The following MTHFD2L variants were observed in gnomAD, a reference collection of about 807,000 sequenced individuals.
The protein encoded by MTHFD2L is methylenetetrahydrofolate dehydrogenase (NADP+ dependent) 2 like, also known as bifunctional methylenetetrahydrofolate dehydrogenase/cyclohydrolase 2, mitochondrial.
A neutral mutation model predicts 34.9 loss-of-function variants in MTHFD2L; 29 were observed. The observed-to-expected ratio is 0.83, with a 90% CI of 0.62 to 1.13. The LOEUF is 1.13. MTHFD2L is among the 50% of genes most tolerant of loss of function. MTHFD2L has a pLI of 0.00. For missense variants in MTHFD2L, 481 were observed against 446.5 expected, an observed-to-expected ratio of 1.08 and a Z score of -0.70; for synonymous variants, 167 against 155.7, an observed-to-expected ratio of 1.07 and a Z score of -0.54.
chr4:74,245,919 A>G (rs1197626506), intron 6 of MTHFD2L, among the ~76,000 whole-genome samples: 3 of 150,164 alleles, frequency 2.0e-5, no homozygotes, highest in Non-Finnish European at 4.4e-5. Flanking sequence ...GCTATTGTGA[A>G]TAGTGCCGCA....
At chr4:74,220,891 A>C (rs1019138326) in intron 5 of MTHFD2L, among the ~76,000 whole-genome samples, 2 of 150,586 alleles carry the variant, frequency 1.3e-5, no homozygotes, top group Admixed American at 1.3e-4. Context: ...TTATTGTTCA[A>C]TTTCTACAGT....
chr4:74,219,102 C>T (rs991175549), intron 5 of MTHFD2L, among the ~76,000 whole-genome samples: 1 of 151,920 alleles, frequency 6.6e-6, no homozygotes, highest in African/African-American at 2.4e-5. Flanking sequence ...GGAGTATATG[C>T]ATAGGTTATA....
chr4:74,208,303 A>ATTCAGTGTCTTCTAAAC (rs1735699056), intron 5 of MTHFD2L, among the ~76,000 whole-genome samples: 1 of 151,698 alleles, frequency 6.6e-6, no homozygotes, highest in South Asian at 2.1e-4. Context: ...TGTCTTCTAA[A>ATTCAGTGTCTTCTAAAC]TTCAGTGTCT....
chr4:74,184,324 G>T (rs146101791), intron 3 of MTHFD2L, among the ~76,000 whole-genome samples: 9 of 152,258 alleles, frequency 5.9e-5, no homozygotes, highest in Non-Finnish European at 1.0e-4. Context: ...TAAAGCAAAA[G>T]ATTGGGAAAT....
At chr4:74,282,580 T>C (rs1204758990) in intron 7 of MTHFD2L, among the ~76,000 whole-genome samples, 2 of 152,130 alleles carry the variant, frequency 1.3e-5, no homozygotes, top group African/African-American at 4.8e-5. Context: ...ACTGGCCCTA[T>C]ATATGTGAGA....
intron 6 of MTHFD2L, among the ~76,000 whole-genome samples, chr4:74,280,746 TG>T (rs1206094297): frequency 1.3e-5 from 2 of 152,022 alleles, no homozygotes; most frequent in African/African-American, 4.8e-5. Flanking sequence ...CTCTGTATAA[TG>T]TTGCATAAGA....
chr4:74,194,534 G>A (rs557213735), intron 3 of MTHFD2L: 2 of 152,094 alleles, frequency 1.3e-5, no homozygotes, highest in African/African-American at 4.8e-5. Flanking sequence ...TCCAATATAA[G>A]CTACTTCACA....
chr4:74,178,939 A>C (rs1381006786), intron 3 of MTHFD2L, among the ~76,000 whole-genome samples: 1 of 152,038 alleles, frequency 6.6e-6, no homozygotes, highest in Admixed American at 6.6e-5. Flanking sequence ...GAATACTCTT[A>C]CCGATTATGT....
intron 6 of MTHFD2L, among the ~76,000 whole-genome samples, chr4:74,247,524 G>A (rs1381433772): frequency 1.3e-5 from 2 of 152,140 alleles, no homozygotes; most frequent in Non-Finnish European, 2.9e-5. Context: ...ATGTTGTATA[G>A]GAGTGGTGAG....
At chr4:74,145,404 T>C (rs902437291) in intron 1 of MTHFD2L, among the ~76,000 whole-genome samples, 1 of 152,182 alleles carries the variant, frequency 6.6e-6, no homozygotes, top group African/African-American at 2.4e-5. Context: ...ATAAAAAGAC[T>C]TTAGTATCCT....
rs181018902 is a variant in MTHFD2L, at chr4:74,164,122, C to T, written c.143+5841C>T. 5.3e-3 allele frequency among the ~76,000 whole-genome samples: 807 copies of T among 152,264 alleles called. 6 individuals carry two copies. The highest frequency in any genetic ancestry group is 0.018 in the African/African-American group (768 of 41,560). On this transcript the variant is annotated intron_variant, in intron 1 of 7. Transcript: ENST00000325278. ...TGATCTCCTGACTTCGTGATCCGCC[C>T]GCCTCAGCCTCCCAAAGTGCTGGGA... is the stretch of plus-strand genomic sequence containing the variant.
chr4:74,213,673 G>A (rs558938545), intron 5 of MTHFD2L, among the ~76,000 whole-genome samples: 13 of 152,134 alleles, frequency 8.5e-5, no homozygotes, highest in Non-Finnish European at 1.3e-4. Flanking sequence ...TGAATGTGAC[G>A]GTTATGTGTC....
intron 1 of MTHFD2L, among the ~76,000 whole-genome samples, chr4:74,142,638 A>G (rs1039964352): frequency 2.6e-5 from 4 of 152,232 alleles, no homozygotes; most frequent in Admixed American, 2.6e-4. Flanking sequence ...TTACTATGAA[A>G]TAATTGACAT....
At chr4:74,153,505 A>C (rs1724067314), upstream of MTHFD2L, among the ~76,000 whole-genome samples, 1 of 152,214 alleles carries the variant, frequency 6.6e-6, no homozygotes, top group Non-Finnish European at 1.5e-5. Context: ...CTTTCTCTGT[A>C]ATTTTTAATC....
intron 6 of MTHFD2L, among the ~76,000 whole-genome samples, chr4:74,253,149 C>T (rs1743545058): frequency 6.6e-6 from 1 of 152,022 alleles, no homozygotes; most frequent in South Asian, 2.1e-4. Context: ...AAGAAATTTC[C>T]AGCTATATAA....
chr4:74,140,557 G>A, intron 1 of MTHFD2L: 1 of 979,332 alleles, frequency 1.0e-6, no homozygotes, highest in South Asian at 4.7e-5. Flanking sequence ...TATTCATTTA[G>A]GCTATACTAC....
At chr4:74,166,325 C>T (rs1043220849) in intron 1 of MTHFD2L, among the ~76,000 whole-genome samples, 1 of 152,222 alleles carries the variant, frequency 6.6e-6, no homozygotes, top group Non-Finnish European at 1.5e-5. Flanking sequence ...TAACTCCAGT[C>T]TTTGCCTCTG....
At chr4:74,136,722 T>C (rs1356623935) in intron 1 of MTHFD2L, among the ~76,000 whole-genome samples, 1 of 152,016 alleles carries the variant, frequency 6.6e-6, no homozygotes, top group Non-Finnish European at 1.5e-5. Context: ...TGACTTCAAA[T>C]CTATTACAAA....
At chr4:74,144,696 C>T (rs777385434) in intron 1 of MTHFD2L, among the ~76,000 whole-genome samples, 62 of 152,232 alleles carry the variant, frequency 4.1e-4, no homozygotes, top group Non-Finnish European at 8.1e-4. Flanking sequence ...ACTTTAGTTA[C>T]ATGATATTTG....
Sources: gnomAD v4.1 joint callset for allele counts (sites outside exome capture counted in the v4.1 genomes callset) on GRCh38, gnomAD v4.1.1 for gene constraint, MANE v1.5 for transcripts, NCBI Gene and HGNC (gene_info 2026-07-23, HGNC 2026-07-21) for gene names.